The following RBFOX1 variants were observed in gnomAD, a reference collection of about 807,000 sequenced individuals.
The protein encoded by RBFOX1 is RNA binding fox-1 homolog 1.
A neutral mutation model predicts 57.7 loss-of-function variants in RBFOX1; 8 were observed. That is an observed-to-expected ratio of 0.14 (90% CI 0.08 to 0.25). The LOEUF is 0.25. Among genes scored for constraint, RBFOX1 ranks in the 10% least tolerant of loss-of-function variants. The pLI is 1.00. For missense variants in RBFOX1, 611 were observed against 548.5 expected (o/e 1.11, Z -1.14); for synonymous variants, 326 against 222.4 (o/e 1.47, Z -4.15).
chr16:7,525,122 T>TTATCTCCCTC (rs2078404121), intron 5 of RBFOX1, among the ~76,000 whole-genome samples: 1 of 152,112 alleles, frequency 6.6e-6, no homozygotes, highest in African/African-American at 2.4e-5. Context: ...ATCTCTATCT[T>TTATCTCCCTC]TATCTCCCTC....
chr16:6,155,434 A>G (rs1446586080), intron 1 of RBFOX1, among the ~76,000 whole-genome samples: 1 of 152,198 alleles, frequency 6.6e-6, no homozygotes, highest in Admixed American at 6.5e-5. Context: ...CTCAAGATGT[A>G]CAGCGTGTGT....
At chr16:5,430,967 A>G (rs2067715393) in intron 1 of RBFOX1, among the ~76,000 whole-genome samples, 2 of 152,216 alleles carry the variant, frequency 1.3e-5, no homozygotes, top group African/African-American at 4.8e-5. Context: ...AGTGCATAAT[A>G]AGGTGACTGG....
chr16:6,831,406 A>G (rs1039317626), intron 3 of RBFOX1, among the ~76,000 whole-genome samples: 4 of 152,192 alleles, frequency 2.6e-5, no homozygotes, highest in African/African-American at 9.6e-5. Flanking sequence ...CCTATGCAAA[A>G]AACAGGAATA....
intron 4 of RBFOX1, among the ~76,000 whole-genome samples, chr16:5,942,827 A>T (rs1050965667): frequency 6.6e-6 from 1 of 152,190 alleles, no homozygotes; most frequent in African/African-American, 2.4e-5. Context: ...GGCACTTTCA[A>T]GCTGAGGGCC....
chr16:5,457,708 C>G (rs535342062), intron 1 of RBFOX1, among the ~76,000 whole-genome samples: 2 of 152,372 alleles, frequency 1.3e-5, no homozygotes, highest in East Asian at 3.9e-4. Flanking sequence ...GCACCCACCC[C>G]TGTAACTGGG....
intron 3 of RBFOX1, among the ~76,000 whole-genome samples, chr16:5,675,985 A>C (rs781417822): frequency 6.6e-6 from 1 of 152,136 alleles, no homozygotes; most frequent in Non-Finnish European, 1.5e-5. Context: ...GGGATCATTT[A>C]AAAAAAGAAG....
At chr16:7,223,938 G>C (rs2092920237) in intron 4 of RBFOX1, among the ~76,000 whole-genome samples, 1 of 151,818 alleles carries the variant, frequency 6.6e-6, no homozygotes, top group African/African-American at 2.4e-5. Flanking sequence ...ACACATACCA[G>C]GATAGGCACA....
chr16:7,585,963 G>A (rs569220366), intron 6 of RBFOX1, among the ~76,000 whole-genome samples: 15 of 152,034 alleles, frequency 9.9e-5, no homozygotes, highest in South Asian at 6.2e-4. Flanking sequence ...AGAAGCACGC[G>A]TAATGCTCTC....
chr16:5,697,989 G>T (rs564833359), intron 3 of RBFOX1, among the ~76,000 whole-genome samples: 1 of 152,246 alleles, frequency 6.6e-6, no homozygotes, highest in Admixed American at 6.5e-5. Context: ...TTCATAAATT[G>T]TTGTTATATG....
chr16:5,464,015 A>G (rs1432554086), intron 1 of RBFOX1, among the ~76,000 whole-genome samples: 2 of 152,098 alleles, frequency 1.3e-5, no homozygotes, highest in Admixed American at 6.5e-5. Flanking sequence ...CACAGCTGCA[A>G]TGGATCAATA....
intron 3 of RBFOX1, among the ~76,000 whole-genome samples, chr16:6,656,164 C>T (rs996043224): frequency 1.3e-5 from 2 of 152,134 alleles, no homozygotes; most frequent in East Asian, 1.9e-4. Flanking sequence ...TGTCCAAAGT[C>T]TTCTACCAAT....
At chr16:7,259,469 C>T (rs1327093814) in intron 4 of RBFOX1, among the ~76,000 whole-genome samples, 1 of 151,694 alleles carries the variant, frequency 6.6e-6, no homozygotes, top group East Asian at 1.9e-4. Context: ...ATATTGCAGC[C>T]ATTTGCATTT....
At chr16:6,285,525 T>G (rs1244605657) in intron 1 of RBFOX1, among the ~76,000 whole-genome samples, 1 of 152,200 alleles carries the variant, frequency 6.6e-6, no homozygotes. Context: ...TGCCGAGTGC[T>G]GATTCCATGC....
intron 4 of RBFOX1, among the ~76,000 whole-genome samples, chr16:6,008,757 G>A (rs138538594): frequency 7.2e-5 from 11 of 152,338 alleles, no homozygotes; most frequent in African/African-American, 2.4e-4. Flanking sequence ...AAGTACCTAC[G>A]TTTTGGTTCA....
chr16:6,890,225 A>G (rs1365499713), intron 3 of RBFOX1, among the ~76,000 whole-genome samples: 2 of 152,198 alleles, frequency 1.3e-5, no homozygotes, highest in East Asian at 1.9e-4. Context: ...TATTGTTATG[A>G]AAACCTAAGG....
chr16:7,600,985 C>T (rs576180811), intron 9 of RBFOX1, among the ~76,000 whole-genome samples: 3 of 152,286 alleles, frequency 2.0e-5, no homozygotes, highest in East Asian at 1.9e-4. Context: ...CCTACCCACA[C>T]GGAGGAGTTG....
chr16:6,857,395 G>A (rs920699803), intron 3 of RBFOX1, among the ~76,000 whole-genome samples: 3 of 151,744 alleles, frequency 2.0e-5, no homozygotes, highest in African/African-American at 4.8e-5. Context: ...TCCATCCTAC[G>A]AAGCATGGGA....
At position 5,732,583 on chromosome 16, in the gene RBFOX1, C is replaced by G. The variant is rs138970390; in HGVS notation, c.318+133622C>G. Among the ~76,000 whole-genome samples the G allele has an allele frequency of 3.7e-3, 561 of 152,298 alleles. 4 individuals carry two copies. Among genetic ancestry groups the G allele is most frequent in the African/African-American group, 0.012 (489 of 41,556 alleles). On this transcript the variant is annotated intron_variant, in intron 3 of 19. Transcript: ENST00000641259. ...TGGTTAGAATTCTAGCTGTCTATGG[C>G]TTTAGGCCTTTCTGGGTCTCCGTTT...
At chr16:6,730,095 C>G (rs8049257) in intron 3 of RBFOX1, among the ~76,000 whole-genome samples, 137,867 of 152,190 alleles carry the variant, frequency 0.91, 64,067 homozygotes, top group East Asian at 1. Context: ...AGAAAGACAT[C>G]TCTCCACCTT....
Sources: allele counts gnomAD v4.1 joint callset (sites outside exome capture counted in the v4.1 genomes callset), GRCh38; gene constraint gnomAD v4.1.1; transcripts MANE v1.5; gene names NCBI Gene and HGNC (gene_info 2026-07-23, HGNC 2026-07-21).